Variants in GRM7 observed in about 807,000 individuals in gnomAD.
GRM7 encodes metabotropic glutamate receptor 7.
A neutral mutation model predicts 84.5 loss-of-function variants in GRM7; 35 were observed. The ratio of observed to expected loss-of-function variants is 0.41; its 90% CI spans 0.32 to 0.55. The LOEUF (loss-of-function observed/expected upper bound fraction) is 0.55, where lower values mean the gene tolerates loss of function less well. GRM7 is among the 20% of genes least tolerant of loss of function. The pLI is 0.19. For synonymous variants in GRM7, 487 were observed against 455.1 expected, an observed-to-expected ratio of 1.07 and a Z score of -0.89; for missense variants, 1,003 against 1,194.6, an observed-to-expected ratio of 0.84 and a Z score of 2.36.
chr3:7,656,547 G>GCACACA (rs36040422), intron 8 of GRM7, among the ~76,000 whole-genome samples: 3,293 of 139,210 alleles, frequency 0.024, 74 homozygotes, highest in African/African-American at 0.061. Flanking sequence ...ATACGCGCGC[G>GCACACA]CACACACACA....
intron 1 of GRM7, among the ~76,000 whole-genome samples, chr3:7,064,479 T>TATATATATATATATAC: frequency 3.0e-5 from 3 of 99,378 alleles, no homozygotes; most frequent in Admixed American, 1.1e-4. Flanking sequence ...TATATATATA[T>TATATATATATATATAC]ACACACATAT....
At chr3:7,146,421 A>T (rs1694112465) in intron 1 of GRM7, 31 bp from the exon 2 acceptor site, 1 of 1,482,182 alleles carries the variant, frequency 6.7e-7, no homozygotes, top group East Asian at 2.3e-5. Flanking sequence ...CTGACGGTGC[A>T]CTCTCACGTG....
intron 2 of GRM7, among the ~76,000 whole-genome samples, chr3:7,213,489 T>TA (rs1696498411): frequency 6.6e-6 from 1 of 152,210 alleles, no homozygotes; most frequent in East Asian, 1.9e-4. Flanking sequence ...TGATCATAGT[T>TA]ACGCAAATAC....
chr3:6,952,460 G>A (rs1041467691), intron 1 of GRM7, among the ~76,000 whole-genome samples: 3 of 152,104 alleles, frequency 2.0e-5, no homozygotes, highest in Non-Finnish European at 4.4e-5. Context: ...TATTATTTCT[G>A]GTATTCTGTC....
At chr3:7,551,579 G>A (rs761257912) in intron 7 of GRM7, among the ~76,000 whole-genome samples, 8 of 150,388 alleles carry the variant, frequency 5.3e-5, no homozygotes, top group Non-Finnish European at 1.2e-4. Context: ...TATATTTGTT[G>A]TAATAAATAT....
intron 9 of GRM7, among the ~76,000 whole-genome samples, chr3:7,693,306 A>C (rs1700881413): frequency 2.0e-5 from 3 of 152,182 alleles, no homozygotes; most frequent in Non-Finnish European, 4.4e-5. Flanking sequence ...TAAACTCAGA[A>C]GATTTGCTAA....
At chr3:7,386,186 T>A (rs1694779617) in intron 4 of GRM7, among the ~76,000 whole-genome samples, 2 of 152,176 alleles carry the variant, frequency 1.3e-5, no homozygotes, top group South Asian at 4.1e-4. Context: ...GATCTAGATG[T>A]TTGTTACATG....
intron 7 of GRM7, among the ~76,000 whole-genome samples, chr3:7,531,205 T>A (rs1003728137): frequency 6.6e-6 from 1 of 152,062 alleles, no homozygotes; most frequent in East Asian, 1.9e-4. Flanking sequence ...ACAGGGAATC[T>A]TCCCCATTGC....
chr3:7,086,292 A>C (rs2125003103), intron 1 of GRM7, among the ~76,000 whole-genome samples: 1 of 152,268 alleles, frequency 6.6e-6, no homozygotes, highest in South Asian at 2.1e-4. Flanking sequence ...GCATGAGGGT[A>C]TATGTGTGTA....
intron 7 of GRM7, among the ~76,000 whole-genome samples, chr3:7,473,148 G>A (rs780591437): frequency 6.6e-6 from 1 of 152,030 alleles, no homozygotes; most frequent in Non-Finnish European, 1.5e-5. Context: ...ATAAAACAAA[G>A]TCACATTGAT....
intron 4 of GRM7, among the ~76,000 whole-genome samples, chr3:7,391,118 T>C (rs1694977383): frequency 6.6e-6 from 1 of 152,100 alleles, no homozygotes; most frequent in African/African-American, 2.4e-5. Flanking sequence ...CTGGGTGCCT[T>C]CAGGGTGCCA....
chr3:7,720,248 T>C (rs1472978351), intron 9 of GRM7, among the ~76,000 whole-genome samples: 1 of 152,178 alleles, frequency 6.6e-6, no homozygotes, highest in Non-Finnish European at 1.5e-5. Context: ...GCCTCTCACA[T>C]TGTGACCTGG....
rs980124668 is a variant in GRM7 at position 7,167,705 on chromosome 3, C to T, written c.736+21037C>T. ...AGAATGCAGGCCGGGCACGGGGGCTCACGCCTGTAATCCCAGCTCTTTGGG... is the reference window on the plus strand; with the variant it reads ...AGAATGCAGGCCGGGCACGGGGGCTTACGCCTGTAATCCCAGCTCTTTGGG... On this transcript the variant is annotated intron_variant, in intron 2 of 9. Coordinates refer to ENST00000357716, the MANE Select transcript of GRM7 (RefSeq NM_000844.4). Among the ~76,000 whole-genome samples, 10 of 152,014 alleles carry T rather than the reference C, an allele frequency of 6.6e-5. 1 individual carries two copies. The highest frequency in any genetic ancestry group is 1.4e-4 in the African/African-American group (6 of 41,416).
chr3:7,515,542 T>A (rs189701603), intron 7 of GRM7, among the ~76,000 whole-genome samples: 2 of 152,296 alleles, frequency 1.3e-5, no homozygotes, highest in East Asian at 3.9e-4. Flanking sequence ...AGAAATCAAA[T>A]TGTCAGTGTT....
At chr3:7,186,257 C>T (rs1695509930) in intron 2 of GRM7, among the ~76,000 whole-genome samples, 1 of 152,178 alleles carries the variant, frequency 6.6e-6, no homozygotes, top group Admixed American at 6.5e-5. Flanking sequence ...TTGGTTGTAA[C>T]CCTGTATCAA....
chr3:7,711,068 T>C (rs970465800), intron 9 of GRM7, among the ~76,000 whole-genome samples: 1 of 152,202 alleles, frequency 6.6e-6, no homozygotes, highest in African/African-American at 2.4e-5. Context: ...CAACCCATCA[T>C]TGGCAAGTTG....
chr3:7,510,553 A>G (rs77550052), intron 7 of GRM7, among the ~76,000 whole-genome samples: 209 of 152,238 alleles, frequency 1.4e-3, no homozygotes, highest in African/African-American at 4.8e-3. Context: ...TTCAAGACAC[A>G]TTATAGTCAG....
chr3:7,550,547 T>TTC lies in GRM7; in HGVS notation c.1516-27845_1516-27844dup, dbSNP rs113713129. The stretch of plus-strand genomic sequence containing the variant: ...CTTCCTTTTTTTCTTCTCCCTTTTC[T>TTC]TCTCTCTCTCTCTCTCTCTCTCTCT... On this transcript the variant is annotated intron_variant, in intron 7 of 9. Coordinates refer to ENST00000357716, the MANE Select transcript of GRM7 (RefSeq NM_000844.4). Among the ~76,000 whole-genome samples, 332 of 103,518 alleles carry TTC rather than the reference T, an allele frequency of 3.2e-3. 3 individuals carry two copies. The highest frequency in any genetic ancestry group is 9.7e-3 in the Middle Eastern group (2 of 206). 67.9% of individuals were successfully genotyped at this position (103,518 alleles called of 152,430 possible).
chr3:7,412,460 C>T (rs1695982002), intron 4 of GRM7, among the ~76,000 whole-genome samples: 1 of 152,310 alleles, frequency 6.6e-6, no homozygotes, highest in Non-Finnish European at 1.5e-5. Flanking sequence ...TACTCTCTCT[C>T]ACCTGGAAAG....
Sources: gnomAD v4.1 joint callset for allele counts (sites outside exome capture counted in the v4.1 genomes callset) on GRCh38, gnomAD v4.1.1 for gene constraint, MANE v1.5 for transcripts, NCBI Gene and HGNC (gene_info 2026-07-23, HGNC 2026-07-21) for gene names.